Variants in MRTFB observed in about 807,000 individuals in gnomAD.
The protein encoded by MRTFB is myocardin related transcription factor B, also known as myocardin-related transcription factor B.
In MRTFB, 29 loss-of-function variants were observed where a neutral mutation model predicts 104.2. The ratio of observed to expected loss-of-function variants is 0.28; its 90% CI spans 0.21 to 0.38. MRTFB has a LOEUF of 0.38. MRTFB is among the 10% of genes least tolerant of loss of function. The pLI, the probability that MRTFB is intolerant of heterozygous loss-of-function variation, is 1.00. For synonymous variants in MRTFB, 535 were observed against 519.5 expected (o/e 1.03, Z -0.41); for missense variants, 1,270 against 1,341.6 (o/e 0.95, Z 0.83).
intron 3 of MRTFB, among the ~76,000 whole-genome samples, chr16:14,193,170 GTCA>G (rs1567437767): frequency 8.1e-6 from 1 of 123,716 alleles, no homozygotes; most frequent in Non-Finnish European, 1.6e-5. Flanking sequence ...ATTGTATTGC[GTCA>G]CTGCACTCCA....
chr16:14,140,279 A>G (rs2037925926), intron 2 of MRTFB, among the ~76,000 whole-genome samples: 1 of 152,230 alleles, frequency 6.6e-6, no homozygotes, highest in African/African-American at 2.4e-5. Context: ...AGTGCCACCA[A>G]TGGCTATGAC....
intron 9 of MRTFB, among the ~76,000 whole-genome samples, chr16:14,237,270 A>G (rs145433101): frequency 0.018 from 2,782 of 152,318 alleles, 42 homozygotes; most frequent in Non-Finnish European, 0.025. Flanking sequence ...GGAACCTCCA[A>G]CATTTTAGAG....
intron 5 of MRTFB, 109 bp from the exon 6 acceptor site, chr16:14,213,436 A>G: frequency 1.5e-6 from 1 of 682,484 alleles, no homozygotes; most frequent in Non-Finnish European, 2.3e-6. Flanking sequence ...CTTCGTCTCA[A>G]ACACATGACC....
intron 10 of MRTFB, among the ~76,000 whole-genome samples, chr16:14,243,008 C>CT (rs1567209019): frequency 6.6e-6 from 1 of 152,046 alleles, no homozygotes; most frequent in African/African-American, 2.4e-5. Context: ...TAAACACATG[C>CT]TTTATCTCTG....
At chr16:14,140,410 G>A in intron 2 of MRTFB, 134 bp from the exon 3 acceptor site, 1 of 549,626 alleles carries the variant, frequency 1.8e-6, no homozygotes, top group Non-Finnish European at 3.1e-6. Context: ...CTGAGGTCCA[G>A]AGAGGGTAAA....
At position 14,266,665 on chromosome 16, in the gene MRTFB, TATC is replaced by T. The variant is rs2043959679; in HGVS notation, c.*5226_*5228del. Reference sequence around the variant, plus strand: ...CTGTATTTTTATATGTGTGCACATTTATCATCAGATCTTTTGTACATAGTGGCA... The same window carrying T: ...CTGTATTTTTATATGTGTGCACATTTATCAGATCTTTTGTACATAGTGGCA... On this transcript the variant is annotated 3_prime_UTR_variant, in exon 17 of 17. Coordinates refer to ENST00000571589, the MANE Select transcript of MRTFB (RefSeq NM_001308142.2). 2.6e-5 allele frequency: 4 copies of T among 152,386 alleles called. No homozygotes were observed. The East Asian group carries it at 5.8e-4, about 22-fold the overall frequency. 9.4% of individuals were successfully genotyped at this position (152,386 alleles called of 1,614,324 possible). A position where few individuals can be genotyped will look rare whatever the true frequency, so the allele number is the denominator to read the frequency against.
At chr16:14,191,305 G>C (rs1277766781) in intron 3 of MRTFB, among the ~76,000 whole-genome samples, 1 of 152,188 alleles carries the variant, frequency 6.6e-6, no homozygotes, top group East Asian at 1.9e-4. Context: ...AGAAAGCTCT[G>C]GACAACGCTA....
intron 3 of MRTFB, among the ~76,000 whole-genome samples, chr16:14,198,212 T>C (rs2040524231): frequency 6.6e-6 from 1 of 152,232 alleles, no homozygotes; most frequent in African/African-American, 2.4e-5. Context: ...TGCCACAATT[T>C]GTTTATCCAT....
At chr16:14,208,659 C>A (rs1456638078) in intron 3 of MRTFB, among the ~76,000 whole-genome samples, 7 of 152,138 alleles carry the variant, frequency 4.6e-5, no homozygotes, top group African/African-American at 1.7e-4. Flanking sequence ...CAAGCATTTA[C>A]TTTAGCATTC....
At chr16:14,102,870 C>G (rs577284239) in intron 2 of MRTFB, among the ~76,000 whole-genome samples, 183 of 152,266 alleles carry the variant, frequency 1.2e-3, no homozygotes, top group Non-Finnish European at 1.9e-3. Context: ...GCAGTTTTCT[C>G]TATCTGGGGG....
the MRTFB span, among the ~76,000 whole-genome samples, chr16:14,064,448 G>A: frequency 6.6e-6 from 1 of 152,112 alleles, no homozygotes; most frequent in Non-Finnish European, 1.5e-5. Flanking sequence ...AGTTTCTTAT[G>A]CTGTGCAGAA....
intron 2 of MRTFB, among the ~76,000 whole-genome samples, chr16:14,121,149 C>G (rs1356380800): frequency 6.7e-6 from 1 of 150,136 alleles, no homozygotes; most frequent in African/African-American, 2.4e-5. Flanking sequence ...GTGTTACAGT[C>G]TTCATTTGAA....
chr16:14,252,579 A>G, intron 15 of MRTFB, 77 bp downstream of exon 15: 1 of 1,472,836 alleles, frequency 6.8e-7, no homozygotes, highest in Admixed American at 2.2e-5. Context: ...ACCTATACAG[A>G]ATCCCTTGTC....
the MRTFB span, among the ~76,000 whole-genome samples, chr16:14,025,079 A>C: frequency 6.6e-6 from 1 of 152,220 alleles, no homozygotes; most frequent in Admixed American, 6.5e-5. Flanking sequence ...ATATGCACCA[A>C]CTGAGGGTTG....
At chr16:14,254,878 A>G (rs2043412141) in intron 15 of MRTFB, among the ~76,000 whole-genome samples, 1 of 152,248 alleles carries the variant, frequency 6.6e-6, no homozygotes, top group African/African-American at 2.4e-5. Flanking sequence ...CTTGCGGGCA[A>G]GGTTTTCAAA....
At chr16:14,087,888 A>G (rs1474927069) in intron 2 of MRTFB, among the ~76,000 whole-genome samples, 1 of 152,216 alleles carries the variant, frequency 6.6e-6, no homozygotes, top group East Asian at 1.9e-4. Flanking sequence ...TGCACTGCAA[A>G]ATATGCATTT....
intron 12 of MRTFB, chr16:14,247,813 G>A (rs959343983): frequency 1.6e-5 from 5 of 306,124 alleles, no homozygotes; most frequent in African/African-American, 8.5e-5. Context: ...GTCTGCCGCT[G>A]AGCACTTTCT....
the MRTFB span, among the ~76,000 whole-genome samples, chr16:14,040,738 C>T: frequency 6.6e-6 from 1 of 152,140 alleles, no homozygotes; most frequent in East Asian, 1.9e-4. Flanking sequence ...GCTGGGATTA[C>T]AGGTGCAAGC....
At chr16:14,069,145 T>C (rs955074953), upstream of MRTFB, among the ~76,000 whole-genome samples, 2 of 149,648 alleles carry the variant, frequency 1.3e-5, no homozygotes, top group African/African-American at 4.9e-5. Context: ...AATTTTTGTA[T>C]TTGTAGTAGA....
Sources: allele counts gnomAD v4.1 joint callset (sites outside exome capture counted in the v4.1 genomes callset), GRCh38; gene constraint gnomAD v4.1.1; transcripts MANE v1.5; gene names NCBI Gene and HGNC (gene_info 2026-07-23, HGNC 2026-07-21).